RAD51B: variants seen among roughly 807,000 people sequenced by gnomAD.
RAD51B encodes the protein RAD51 paralog B, also known as DNA repair protein RAD51 homolog 2.
In RAD51B, 38 loss-of-function variants were observed where a neutral mutation model predicts 42.2. That is an observed-to-expected ratio of 0.90 (90% CI 0.70 to 1.18). RAD51B has a LOEUF of 1.18. Among genes scored for constraint, RAD51B ranks in the 50% most tolerant of loss-of-function variants. RAD51B has a pLI of 0.00. For synonymous variants in RAD51B, 154 were observed against 145.2 expected, an observed-to-expected ratio of 1.06 and a Z score of -0.43; for missense variants, 373 against 400.7, an observed-to-expected ratio of 0.93 and a Z score of 0.59.
intron 8 of RAD51B, among the ~76,000 whole-genome samples, chr14:68,339,944 G>A (rs2082537438): frequency 6.6e-6 from 1 of 152,222 alleles, no homozygotes; most frequent in African/African-American, 2.4e-5. Flanking sequence ...AGGCAGTGCT[G>A]AGATGTGACC....
chr14:68,410,800 G>C (rs2084395219), intron 8 of RAD51B, among the ~76,000 whole-genome samples: 1 of 152,188 alleles, frequency 6.6e-6, no homozygotes, highest in Non-Finnish European at 1.5e-5. Context: ...TAGGAACTCA[G>C]ATAGAGTTTA....
chr14:68,543,184 G>T (rs565048135), intron 10 of RAD51B, among the ~76,000 whole-genome samples: 1 of 152,288 alleles, frequency 6.6e-6, no homozygotes, highest in East Asian at 1.9e-4. Context: ...AATAAGCATG[G>T]TTGTGTTCTA....
intron 7 of RAD51B, among the ~76,000 whole-genome samples, chr14:68,080,318 G>A (rs2076894416): frequency 6.6e-6 from 1 of 152,134 alleles, no homozygotes; most frequent in South Asian, 2.1e-4. Context: ...ATTCCATAAT[G>A]TCCAATTGTA....
intron 11 of RAD51B, among the ~76,000 whole-genome samples, chr14:68,681,302 G>A (rs2042445086): frequency 6.6e-6 from 1 of 152,172 alleles, no homozygotes; most frequent in Non-Finnish European, 1.5e-5. Context: ...TTCCAAATCA[G>A]CGGAGAGTCA....
chr14:68,163,298 T>G (rs2078682055), intron 7 of RAD51B, among the ~76,000 whole-genome samples: 1 of 152,252 alleles, frequency 6.6e-6, no homozygotes, highest in Admixed American at 6.5e-5. Flanking sequence ...TTCCAAATTC[T>G]CATGACTGTA....
intron 10 of RAD51B, among the ~76,000 whole-genome samples, chr14:68,477,138 A>C (rs1882694519): frequency 6.6e-6 from 1 of 152,184 alleles, no homozygotes; most frequent in East Asian, 1.9e-4. Flanking sequence ...CCTTGTAAGG[A>C]GTGTTTTGGT....
intron 7 of RAD51B, among the ~76,000 whole-genome samples, chr14:67,940,638 C>T (rs111700307): frequency 5.8e-4 from 88 of 152,258 alleles, no homozygotes; most frequent in African/African-American, 2.1e-3. Flanking sequence ...ACTGGTCAGT[C>T]AGAGATATAA....
At chr14:67,854,633 CAAA>C (rs1174939557) in intron 4 of RAD51B, among the ~76,000 whole-genome samples, 1 of 122,008 alleles carries the variant, frequency 8.2e-6, no homozygotes, top group Non-Finnish European at 1.8e-5. Context: ...GGCTCCGTCT[CAAA>C]AAAAAAAAAA....
chr14:68,080,287 T>C (rs773894851), intron 7 of RAD51B, among the ~76,000 whole-genome samples: 9 of 152,238 alleles, frequency 5.9e-5, no homozygotes, highest in Non-Finnish European at 1.2e-4. Context: ...TAATCTTATT[T>C]ATTTTCTGTC....
At chr14:68,380,913 G>A (rs1480443820) in intron 8 of RAD51B, among the ~76,000 whole-genome samples, 6 of 152,096 alleles carry the variant, frequency 3.9e-5, no homozygotes, top group African/African-American at 1.4e-4. Flanking sequence ...AAATGAGATG[G>A]GCACTTCAAA....
chr14:68,668,522 GCAT>G (rs1245852326), intron 11 of RAD51B, among the ~76,000 whole-genome samples: 10 of 152,354 alleles, frequency 6.6e-5, no homozygotes, highest in African/African-American at 2.4e-4. Flanking sequence ...GTCTTTAAAA[GCAT>G]CACAGCAGCC....
intron 10 of RAD51B, among the ~76,000 whole-genome samples, chr14:68,577,469 T>C (rs1465778589): frequency 1.3e-5 from 2 of 152,014 alleles, no homozygotes; most frequent in Non-Finnish European, 2.9e-5. Flanking sequence ...GTAAAATTAT[T>C]CATGTGCTTT....
chr14:68,677,208 C>T (rs1893326109), intron 11 of RAD51B, among the ~76,000 whole-genome samples: 1 of 152,080 alleles, frequency 6.6e-6, no homozygotes. Context: ...AGAATGGGGA[C>T]TTCTTGAGCC....
At chr14:67,826,255 T>C (rs1253751465) in intron 3 of RAD51B, among the ~76,000 whole-genome samples, 2 of 152,192 alleles carry the variant, frequency 1.3e-5, no homozygotes, top group Non-Finnish European at 2.9e-5. Context: ...TTTACCATCA[T>C]CACTTGCTCT....
At chr14:67,942,720 T>C (rs1664290658) in intron 7 of RAD51B, among the ~76,000 whole-genome samples, 1 of 151,928 alleles carries the variant, frequency 6.6e-6, no homozygotes, top group Non-Finnish European at 1.5e-5. Flanking sequence ...GATTACGGAG[T>C]CTATAGTTTC....
At chr14:68,302,963 T>A (rs1237453700) in intron 8 of RAD51B, among the ~76,000 whole-genome samples, 1 of 152,244 alleles carries the variant, frequency 6.6e-6, no homozygotes, top group Non-Finnish European at 1.5e-5. Context: ...GAGATTTTAT[T>A]TATGGCCAGT....
intron 7 of RAD51B, among the ~76,000 whole-genome samples, chr14:67,892,309 C>T (rs1362439855): frequency 6.6e-6 from 1 of 152,126 alleles, no homozygotes; most frequent in Non-Finnish European, 1.5e-5. Flanking sequence ...TTTTATGTAG[C>T]TCTTTATGAC....
At chr14:68,183,591 G>A (rs940261447) in intron 7 of RAD51B, among the ~76,000 whole-genome samples, 1 of 152,124 alleles carries the variant, frequency 6.6e-6, no homozygotes, top group Non-Finnish European at 1.5e-5. Flanking sequence ...TCACACATCT[G>A]TTATCCTATT....
intron 8 of RAD51B, among the ~76,000 whole-genome samples, chr14:68,313,083 G>A (rs996076162): frequency 6.6e-6 from 1 of 152,184 alleles, no homozygotes; most frequent in Admixed American, 6.5e-5. Context: ...TGAATTTTGA[G>A]GTTTTTGCTG....
Sources: allele counts gnomAD v4.1 joint callset (sites outside exome capture counted in the v4.1 genomes callset), GRCh38; gene constraint gnomAD v4.1.1; transcripts MANE v1.5; gene names NCBI Gene and HGNC (gene_info 2026-07-23, HGNC 2026-07-21).